CSF2RA: variants seen among roughly 807,000 people sequenced by gnomAD.
The protein encoded by CSF2RA is granulocyte-macrophage colony-stimulating factor receptor subunit alpha.
Under a neutral mutation model 51.6 loss-of-function variants are expected in CSF2RA, and 42 were observed. The ratio of observed to expected loss-of-function variants is 0.81; its 90% CI spans 0.64 to 1.05. The LOEUF (loss-of-function observed/expected upper bound fraction) is 1.05, where lower values mean the gene tolerates loss of function less well. Among genes scored for constraint, CSF2RA ranks in the 50% least tolerant of loss-of-function variants. The pLI is 0.00. For missense variants in CSF2RA, 530 were observed against 501.1 expected (o/e 1.06, Z -0.55); for synonymous variants, 222 against 193.0 (o/e 1.15, Z -1.24).
Position 1,299,705 on chromosome X carries a change from G to A in CSF2RA, c.811-786G>A, listed in dbSNP as rs187811901. Among the ~76,000 whole-genome samples, 286 of 152,206 alleles carry A rather than the reference G, an allele frequency of 1.9e-3. 2 individuals carry two copies. The highest frequency in any genetic ancestry group is 3.4e-3 in the Middle Eastern group (1 of 294). ...GGCTGAGGTGGGCGGATCACTTGAG[G>A]TCAGCAGTTCAAGACCAGCCTGGGC... On this transcript the variant is annotated intron_variant, in intron 9 of 12. Coordinates refer to ENST00000381529, the MANE Select transcript of CSF2RA (RefSeq NM_172245.4).
At chrX:1,325,153 G>A in the CSF2RA span, among the ~76,000 whole-genome samples, 27 of 150,958 alleles carry the variant, frequency 1.8e-4, 1 homozygote, top group African/African-American at 6.1e-4. Context: ...GAGGTCGGGA[G>A]ATCGAGACCA....
At chrX:1,314,526 TCCCAC>T (rs2084405746), downstream of CSF2RA, among the ~76,000 whole-genome samples, 5 of 31,560 alleles carry the variant, frequency 1.6e-4, no homozygotes, top group African/African-American at 8.7e-4. Context: ...ACCTGCCCAA[TCCCAC>T]TGCACCTGCC....
At chrX:1,313,538 C>T (rs761506168), downstream of CSF2RA, among the ~76,000 whole-genome samples, 25 of 120,194 alleles carry the variant, frequency 2.1e-4, no homozygotes, top group African/African-American at 6.1e-4. Context: ...GGCAAAATCT[C>T]GTCTCTACTA....
rs1286771141 is a variant in CSF2RA, at chrX:1,290,432, A to G, written c.569A>G (p.Asn190Ser). Residue 190 changes from asparagine to serine, a missense_variant, in exon 7 of 13, where the codon AAT becomes AGT. Transcript: ENST00000381529. ...AACCTGTCAGGATTAACGTCTCGCA[A>G]TTACTTTCTGGTTAACGGAACCAGC... Reference protein sequence around the residue: ...LDNLSGLTSRNYFLVNGTSRE... With the variant: ...LDNLSGLTSRSYFLVNGTSRE... 5 of 1,613,730 alleles carry G rather than the reference A, an allele frequency of 3.1e-6. No individual in the cohort carries two copies. In the East Asian group the frequency reaches 8.9e-5, roughly 29 times the overall value.
chrX:1,314,927 G>GCCCAACCC (rs2084485803), downstream of CSF2RA, among the ~76,000 whole-genome samples: 2 of 44,314 alleles, frequency 4.5e-5, 1 homozygote. Context: ...CTGCCCAACC[G>GCCCAACCC]CACTGCACTT....
chrX:1,318,558 C>A, the CSF2RA span, among the ~76,000 whole-genome samples: 1 of 151,944 alleles, frequency 6.6e-6, no homozygotes, highest in Non-Finnish European at 1.5e-5. Context: ...CCTGAGCCGC[C>A]GATAGCCCCT....
chrX:1,303,789 C>T, intron 10 of CSF2RA, 134 bp from the exon 11 acceptor site: 1 of 823,142 alleles, frequency 1.2e-6, no homozygotes, highest in Admixed American at 1.7e-5. Context: ...AACAGGGAGG[C>T]AGGTTTGCTG....
Position 1,299,043 on chromosome X carries a change from C to T in CSF2RA, c.811-1448C>T, listed in dbSNP as rs28707649. On this transcript the variant is annotated intron_variant, in intron 9 of 12. Transcript: ENST00000381529. ...GGGGTGGACACGGTGGATCCTGAAC[C>T]AGAGGATGCAGATCTCACACGGGTG... Among the ~76,000 whole-genome samples, 54,814 of 151,906 alleles carry T rather than the reference C, an allele frequency of 0.36. 11,109 individuals carry two copies. The highest frequency in any genetic ancestry group is 0.54 in the African/African-American group (22,511 of 41,368).
chrX:1,288,676 A>C (rs774398413), intron 5 of CSF2RA, 34 bp downstream of exon 5: 1 of 1,613,926 alleles, frequency 6.2e-7, no homozygotes, highest in Non-Finnish European at 8.5e-7. Flanking sequence ...CGTTTACAGC[A>C]CTGGCCCCAC....
Position 1,288,651 on chromosome X carries a change from G to C in CSF2RA, c.343+9G>C, listed in dbSNP as rs779622947. 15 of 1,613,952 alleles carry C rather than the reference G, an allele frequency of 9.3e-6. No homozygotes were observed. In the East Asian group the frequency reaches 1.8e-4, roughly 19 times the overall value. On this transcript the variant is annotated intron_variant, in intron 5 of 12. Coordinates refer to ENST00000381529, the MANE Select transcript of CSF2RA (RefSeq NM_172245.4). ...GCTTTATCCAAATTCAGGTAAGCAA[G>C]ACAGCTCAGGGATCCGTTTACAGCA...
At chrX:1,314,869 CGCACTGCA>C (rs2084468022), downstream of CSF2RA, among the ~76,000 whole-genome samples, 2 of 81,286 alleles carry the variant, frequency 2.5e-5, no homozygotes, top group Admixed American at 2.5e-4. Flanking sequence ...CCTGCCCAAC[CGCACTGCA>C]CCTGCCCAAC....
rs764620806 is a variant in CSF2RA at position 1,288,625 on chromosome X, T to C, written c.326T>C (p.Leu109Pro). The change falls in exon 5 of 13, where the codon CTG becomes CCG. Residue 109 changes from leucine to proline, a missense_variant. Coordinates refer to ENST00000381529, the MANE Select transcript of CSF2RA (RefSeq NM_172245.4). ...AGTCAAAGAGGATTTCAACAGAAAC[T>C]GCTTTATCCAAATTCAGGTAAGCAA... ...NTSQRGFQQK[L>P]LYPNSGREGT... The C allele has an allele frequency of 3.1e-6, 5 of 1,613,862 alleles. No homozygotes were observed. In the African/African-American group the frequency reaches 6.7e-5, roughly 22 times the overall value.
intron 12 of CSF2RA, chrX:1,305,775 A>T: frequency 6.4e-7 from 1 of 1,551,318 alleles, no homozygotes; most frequent in Non-Finnish European, 8.7e-7. Flanking sequence ...GTGGTCAAGA[A>T]AAGGAGGAGA....
At position 1,300,409 on chromosome X, in the gene CSF2RA, TAAAAGAC is replaced by T. The variant is rs1315660519; in HGVS notation, c.811-75_811-69del. On this transcript the variant is annotated intron_variant, in intron 9 of 12. Coordinates refer to ENST00000381529, the MANE Select transcript of CSF2RA (RefSeq NM_172245.4). ...AAAAAAAGAAAAGGAGAAAAAAACT[TAAAAGAC>T]AAAAGAACGAAAAAAGGCAACCTTT... The T allele has an allele frequency of 7.2e-6, 11 of 1,523,006 alleles. No homozygotes were observed. The Admixed American group carries it at 2.0e-4, about 28-fold the overall frequency. The allele number at this position is 1,523,006 out of a possible 1,614,324, so 94.3% of individuals were successfully genotyped here. A position where few individuals can be genotyped will look rare whatever the true frequency, so the allele number is the denominator to read the frequency against.
chrX:1,306,756 G>GACAGAGAGACACAGAGAAA (rs1429663872), intron 12 of CSF2RA, among the ~76,000 whole-genome samples: 1 of 151,392 alleles, frequency 6.6e-6, no homozygotes, highest in Non-Finnish European at 1.5e-5. Context: ...CACAGAGAAA[G>GACAGAGAGACACAGAGAAA]ACACAGAAAA....
the CSF2RA span, among the ~76,000 whole-genome samples, chrX:1,323,888 C>T: frequency 6.6e-6 from 1 of 152,088 alleles, no homozygotes; most frequent in South Asian, 2.1e-4. Context: ...GTGGTGGGCG[C>T]CTGTAGTCCC....
At chrX:1,296,115 G>C (rs1205642027) in intron 9 of CSF2RA, among the ~76,000 whole-genome samples, 2 of 144,554 alleles carry the variant, frequency 1.4e-5, no homozygotes, top group East Asian at 4.3e-4. Flanking sequence ...ACCACACCTA[G>C]CATAAACCTA....
rs756019160 is a variant in CSF2RA at position 1,288,766 on chromosome X, G to C, written c.351G>C (p.Glu117Asp). 1.2e-6 allele frequency: 2 copies of C among 1,613,918 alleles called. No individual in the cohort carries two copies. The highest frequency in any genetic ancestry group is 1.1e-5 in the South Asian group (1 of 91,078). The change falls in exon 6 of 13, where the codon GAG becomes GAC. Residue 117 changes from glutamate (E) to aspartate (D), a missense_variant. Physicochemically the swap from Glu to Asp is conservative, Grantham distance 45. Coordinates refer to ENST00000381529, the MANE Select transcript of CSF2RA (RefSeq NM_172245.4). The stretch of plus-strand genomic sequence containing the variant: ...GTTTCTACCTCTTCCCAGGAAGGGA[G>C]GGTACCGCTGCTCAGAATTTCTCCT... ...QKLLYPNSGR[E>D]GTAAQNFSCF... is the part of the protein sequence containing the mutation.
downstream of CSF2RA, among the ~76,000 whole-genome samples, chrX:1,312,774 C>T (rs2084243222): frequency 6.6e-6 from 1 of 152,118 alleles, no homozygotes; most frequent in African/African-American, 2.4e-5. Context: ...GTGGGTGTTC[C>T]ACGTCCCTCC....
Sources: allele counts gnomAD v4.1 joint callset (sites outside exome capture counted in the v4.1 genomes callset), GRCh38; gene constraint gnomAD v4.1.1; transcripts MANE v1.5; gene names NCBI Gene and HGNC (gene_info 2026-07-23, HGNC 2026-07-21).